The following EPM2A variants were observed in gnomAD, a reference collection of about 807,000 sequenced individuals.
EPM2A encodes laforin.
Under a neutral mutation model 26.5 loss-of-function variants are expected in EPM2A, and 21 were observed. The ratio of observed to expected loss-of-function variants is 0.79; its 90% CI spans 0.56 to 1.14. The LOEUF is 1.14. Among genes scored for constraint, EPM2A ranks in the 50% most tolerant of loss-of-function variants. The probability of loss-of-function intolerance (pLI) is 0.00; values close to 1 mark genes in which losing one functional copy is unlikely to be tolerated. For synonymous variants in EPM2A, 217 were observed against 177.6 expected (o/e 1.22, Z -1.76); for missense variants, 458 against 440.8 (o/e 1.04, Z -0.35).
At chr6:145,483,574 T>C (rs1194307616) in intron 4 of EPM2A, among the ~76,000 whole-genome samples, 1 of 152,126 alleles carries the variant, frequency 6.6e-6, no homozygotes, top group Non-Finnish European at 1.5e-5. Flanking sequence ...CCTCATACTG[T>C]TGAGGAAGTG....
intron 4 of EPM2A, among the ~76,000 whole-genome samples, chr6:145,409,482 T>C (rs955586676): frequency 7.2e-5 from 11 of 152,234 alleles, no homozygotes; most frequent in African/African-American, 2.7e-4. Flanking sequence ...TGATGTTTAA[T>C]AATATATAAA....
downstream of EPM2A, among the ~76,000 whole-genome samples, chr6:145,621,453 C>T (rs75515917): frequency 0.053 from 8,055 of 152,062 alleles, 341 homozygotes; most frequent in East Asian, 0.19. Context: ...GGATATATAC[C>T]CAGAAGTGAG....
At chr6:145,506,567 T>G (rs989131731) in intron 2 of EPM2A, among the ~76,000 whole-genome samples, 9 of 151,768 alleles carry the variant, frequency 5.9e-5, no homozygotes, top group African/African-American at 2.2e-4. Flanking sequence ...AAATATATAT[T>G]AATTTTAAAA....
At chr6:145,520,581 A>AT (rs1780190091) in intron 2 of EPM2A, among the ~76,000 whole-genome samples, 1 of 152,178 alleles carries the variant, frequency 6.6e-6, no homozygotes, top group South Asian at 2.1e-4. Flanking sequence ...GTACACGTGC[A>AT]TTTTTTCCTA....
At chr6:145,490,852 T>C in intron 4 of EPM2A, 1 of 657,124 alleles carries the variant, frequency 1.5e-6, no homozygotes, top group Non-Finnish European at 2.8e-6. Context: ...TAATCTGCCC[T>C]TTTCTGTCAC....
chr6:145,560,101 G>A (rs1205588858), intron 2 of EPM2A, among the ~76,000 whole-genome samples: 1 of 152,034 alleles, frequency 6.6e-6, no homozygotes, highest in African/African-American at 2.4e-5. Flanking sequence ...AAGGTGCTGT[G>A]GGTAGACCTG....
At chr6:145,406,685 A>C (rs934418049) in intron 4 of EPM2A, among the ~76,000 whole-genome samples, 1 of 152,210 alleles carries the variant, frequency 6.6e-6, no homozygotes, top group Non-Finnish European at 1.5e-5. Context: ...CAAATGTCTT[A>C]AAAGTATGAA....
At chr6:145,627,839 G>A in intron 3 of EPM2A, 146 bp from the exon 4 acceptor site, 2 of 1,181,276 alleles carry the variant, frequency 1.7e-6, no homozygotes, top group Non-Finnish European at 2.4e-6. Flanking sequence ...GCATTGTGAA[G>A]GAAAAAGTGA....
At chr6:145,662,953 C>T (rs1466877326) in intron 2 of EPM2A, among the ~76,000 whole-genome samples, 1 of 152,070 alleles carries the variant, frequency 6.6e-6, no homozygotes, top group Non-Finnish European at 1.5e-5. Flanking sequence ...TTGGAGAGGT[C>T]AACATTTAAA....
chr6:145,458,972 C>T (rs879812892), intron 4 of EPM2A, among the ~76,000 whole-genome samples: 8 of 152,050 alleles, frequency 5.3e-5, no homozygotes, highest in Non-Finnish European at 1.0e-4. Flanking sequence ...GAAGCAGTCA[C>T]CTATGTACAT....
intron 4 of EPM2A, chr6:145,491,853 G>A (rs1191822736): frequency 1.9e-6 from 1 of 516,468 alleles, no homozygotes; most frequent in East Asian, 5.6e-5. Flanking sequence ...AATTACAAAA[G>A]GTCATTTTAC....
intron 4 of EPM2A, among the ~76,000 whole-genome samples, chr6:145,480,169 G>C (rs574425261): frequency 2.0e-5 from 3 of 150,498 alleles, no homozygotes; most frequent in Non-Finnish European, 4.4e-5. Flanking sequence ...ACCTAAGACT[G>C]GGTAATTTAT....
intron 2 of EPM2A, among the ~76,000 whole-genome samples, chr6:145,571,877 T>A (rs116959738): frequency 1.2e-3 from 190 of 152,322 alleles, no homozygotes; most frequent in Non-Finnish European, 2.2e-3. Flanking sequence ...ATTATTAACA[T>A]CCTCCTCTGC....
rs988077758 is a variant in EPM2A, at chr6:145,533,680, T to C, written c.341-31105A>G. Among the ~76,000 whole-genome samples, 14 of 152,276 alleles carry C rather than the reference T, an allele frequency of 9.2e-5. 1 individual carries two copies. The South Asian group carries it at 2.9e-3, about 32-fold the overall frequency. On this transcript the variant is annotated intron_variant, in intron 2 of 3. Coordinates refer to the EPM2A transcript ENST00000450221. ...CTTGCATGACTGGGTCTACTTCATATATCAGGTGTTAGTTCAAATGTCTCC... is the reference window on the plus strand; with the variant it reads ...CTTGCATGACTGGGTCTACTTCATACATCAGGTGTTAGTTCAAATGTCTCC...
At chr6:145,675,234 C>A (rs1281834520) in intron 2 of EPM2A, among the ~76,000 whole-genome samples, 1 of 152,132 alleles carries the variant, frequency 6.6e-6, no homozygotes, top group Admixed American at 6.5e-5. Flanking sequence ...CAAGCAAATG[C>A]TGACAGATTT....
chr6:145,557,781 A>T (rs1020769967), intron 2 of EPM2A, among the ~76,000 whole-genome samples: 4 of 152,116 alleles, frequency 2.6e-5, no homozygotes, highest in Non-Finnish European at 2.9e-5. Context: ...TTTCAAGAAC[A>T]CAATATTTTG....
chr6:145,569,921 T>A (rs144508877), intron 2 of EPM2A, among the ~76,000 whole-genome samples: 1 of 152,120 alleles, frequency 6.6e-6, no homozygotes, highest in Admixed American at 6.5e-5. Flanking sequence ...CACAATAGGC[T>A]GTCTGCAGGC....
At position 145,682,211 on chromosome 6, in the gene EPM2A, A is replaced by G. The variant is rs118159824; in HGVS notation, c.476+3911T>C. Among the ~76,000 whole-genome samples, 623 of 152,268 alleles carry G rather than the reference A, an allele frequency of 4.1e-3. 18 individuals carry two copies. The East Asian group carries it at 0.069, about 17-fold the overall frequency. ...CAGCAGACAAAGAGAGAGCATGTGC[A>G]GGGAAACTCCTCCTTATAAAACCAT... On this transcript the variant is annotated intron_variant, in intron 2 of 3. Coordinates refer to ENST00000367519, the MANE Select transcript of EPM2A (RefSeq NM_005670.4).
intron 4 of EPM2A, among the ~76,000 whole-genome samples, chr6:145,465,969 C>T (rs1161802230): frequency 5.3e-5 from 8 of 152,186 alleles, no homozygotes; most frequent in Non-Finnish European, 1.0e-4. Flanking sequence ...CTTCCTTACC[C>T]CTTATACAAA....
Sources: gnomAD v4.1 joint callset for allele counts (sites outside exome capture counted in the v4.1 genomes callset) on GRCh38, gnomAD v4.1.1 for gene constraint, MANE v1.5 for transcripts, NCBI Gene and HGNC (gene_info 2026-07-23, HGNC 2026-07-21) for gene names.